Variants in TET2 observed in about 807,000 individuals in gnomAD.
TET2 encodes tet methylcytosine dioxygenase 2, also known as methylcytosine dioxygenase TET2.
TET2 carries 299 observed loss-of-function variants against 142.9 expected under a neutral mutation model. That is an observed-to-expected ratio of 2.09 (90% CI 1.90 to 2.30). The LOEUF (loss-of-function observed/expected upper bound fraction) is 2.30, where lower values mean the gene tolerates loss of function less well. Ranked by LOEUF, TET2 falls within the 30% of genes most tolerant of loss-of-function variation. The pLI, the probability that TET2 is intolerant of heterozygous loss-of-function variation, is 0.00. For synonymous variants in TET2, 819 were observed against 849.0 expected, an observed-to-expected ratio of 0.96 and a Z score of 0.61; for missense variants, 2,418 against 2,378.0, an observed-to-expected ratio of 1.02 and a Z score of -0.35.
At chr4:105,153,850 T>A (rs1723433399) in intron 1 of TET2, among the ~76,000 whole-genome samples, 1 of 152,230 alleles carries the variant, frequency 6.6e-6, no homozygotes, top group African/African-American at 2.4e-5. Context: ...ACATGAAAAC[T>A]TGTAGCCAAA....
chr4:105,265,882 C>T (rs1029159349), intron 8 of TET2, among the ~76,000 whole-genome samples: 1 of 152,144 alleles, frequency 6.6e-6, no homozygotes, highest in Non-Finnish European at 1.5e-5. Flanking sequence ...GAGTATTAGG[C>T]TCCAGTGTAG....
At chr4:105,254,737 A>G (rs1430189612) in intron 6 of TET2, among the ~76,000 whole-genome samples, 1 of 152,190 alleles carries the variant, frequency 6.6e-6, no homozygotes, top group Non-Finnish European at 1.5e-5. Context: ...TTTAGGAACA[A>G]TAGAATGGTA....
rs1374748644 is a variant in TET2, at chr4:105,230,023, T to C, written c.-46-3874T>C. Among the ~76,000 whole-genome samples the C allele has an allele frequency of 2.0e-5, 3 of 152,250 alleles. No individual in the cohort carries two copies. In the East Asian group the frequency reaches 5.8e-4, roughly 29 times the overall value. On this transcript the variant is annotated intron_variant, in intron 2 of 10. Coordinates refer to ENST00000380013, the MANE Select transcript of TET2 (RefSeq NM_001127208.3). ...GTGCCTACATCATTTAATGTATATA[T>C]GAGCATATTTGTCAGATATATATAT...
chr4:105,206,223 G>A (rs1726815982), intron 2 of TET2, among the ~76,000 whole-genome samples: 1 of 152,206 alleles, frequency 6.6e-6, no homozygotes, highest in Admixed American at 6.5e-5. Flanking sequence ...TGTTTGCTGA[G>A]TTTGTATATA....
intron 2 of TET2, among the ~76,000 whole-genome samples, chr4:105,219,897 T>C (rs778511799): frequency 6.6e-6 from 1 of 152,180 alleles, no homozygotes; most frequent in Non-Finnish European, 1.5e-5. Flanking sequence ...TTTCTTTGTT[T>C]TTCCCTTAGC....
In TET2 at chr4:105,272,901, AG is replaced by A. The variant is rs1170485417; in HGVS notation, c.4522del (p.Ala1508LeufsTer63). On this transcript the variant is annotated frameshift_variant, in exon 10 of 11. Coordinates refer to ENST00000380013, the MANE Select transcript of TET2 (RefSeq NM_001127208.3). LOFTEE classifies it low-confidence loss of function (END_TRUNC). ...SRTKQTENAS[Q>X]AKQLAELLRL... is the part of the protein sequence containing the mutation. The stretch of plus-strand genomic sequence containing the variant: ...ACAAAACAAACTGAAAACGCAAGCC[AG>A]GCTAAACAGTTGGCAGGTAAATTTA... The A allele has an allele frequency of 4.6e-6, 7 of 1,533,552 alleles. No individual in the cohort carries two copies. Among genetic ancestry groups the A allele is most frequent in the Non-Finnish European group, 5.3e-6 (6 of 1,140,006 alleles). The allele number at this position is 1,533,552 out of a possible 1,614,324, so 95.0% of individuals were successfully genotyped here. A position where few individuals can be genotyped will look rare whatever the true frequency, so the allele number is the denominator to read the frequency against.
At chr4:105,213,261 G>A (rs1037779066) in intron 2 of TET2, among the ~76,000 whole-genome samples, 3 of 152,084 alleles carry the variant, frequency 2.0e-5, no homozygotes, top group South Asian at 4.1e-4. Flanking sequence ...AGTTTGACAC[G>A]TCAGTATAGT....
intron 6 of TET2, among the ~76,000 whole-genome samples, chr4:105,244,586 G>GTTTTTTT (rs566674796): frequency 1.5e-5 from 1 of 66,696 alleles, no homozygotes; most frequent in Non-Finnish European, 3.4e-5. Context: ...ACACAGAAAT[G>GTTTTTTT]TTTTTTTTTT....
At chr4:105,243,838 T>C in intron 6 of TET2, 60 bp downstream of exon 6, 5 of 1,460,608 alleles carry the variant, frequency 3.4e-6, no homozygotes, top group Non-Finnish European at 4.7e-6. Flanking sequence ...GCCCAATCTT[T>C]GGTTGAAAGG....
At chr4:105,219,187 A>G (rs936773647) in intron 2 of TET2, among the ~76,000 whole-genome samples, 4 of 152,128 alleles carry the variant, frequency 2.6e-5, no homozygotes, top group African/African-American at 9.6e-5. Context: ...TGGCATCTCC[A>G]TTATTAATCT....
chr4:105,147,335 T>TG (rs1723072194), intron 1 of TET2: 1 of 152,276 alleles, frequency 6.6e-6, no homozygotes, highest in African/African-American at 2.4e-5. Context: ...AGTTCAGCTT[T>TG]GGGGGCACTA....
chr4:105,156,048 C>G (rs1208004901), intron 1 of TET2, among the ~76,000 whole-genome samples: 1 of 152,174 alleles, frequency 6.6e-6, no homozygotes, highest in South Asian at 2.1e-4. Context: ...TTGTTTCTCT[C>G]AAAACTTTGT....
At chr4:105,155,729 T>C (rs1033904883) in intron 1 of TET2, among the ~76,000 whole-genome samples, 12 of 152,208 alleles carry the variant, frequency 7.9e-5, no homozygotes, top group African/African-American at 2.9e-4. Flanking sequence ...TCTGGAAAGG[T>C]TGAGCTTTAG....
intron 1 of TET2, among the ~76,000 whole-genome samples, chr4:105,160,189 C>G (rs1723779422): frequency 6.6e-6 from 1 of 152,148 alleles, no homozygotes; most frequent in Non-Finnish European, 1.5e-5. Context: ...TCAACCTTCT[C>G]TCATTTTTAA....
chr4:105,237,108 G>GT lies in TET2; in HGVS notation c.3168dup (p.Glu1057Ter). ...TCTCAAATCACAGAAGCAAGTAAAA[G>GT]TTGAAATGTCAGGGCCAGTCACAGT... is the stretch of plus-strand genomic sequence containing the variant. On this transcript the variant is annotated frameshift_variant, in exon 3 of 11. Transcript: ENST00000380013. LOFTEE classifies it high-confidence loss of function. The GT allele has an allele frequency of 6.2e-7, 1 of 1,614,080 alleles. No individual in the cohort carries two copies. Among genetic ancestry groups the GT allele is most frequent in the Non-Finnish European group, 8.5e-7 (1 of 1,179,958 alleles).
intron 1 of TET2, chr4:105,172,419 T>G (rs180946593): frequency 2.0e-4 from 31 of 152,312 alleles, no homozygotes; most frequent in African/African-American, 7.2e-4. Flanking sequence ...TATTTACTAT[T>G]TATTAAATGG....
intron 7 of TET2, among the ~76,000 whole-genome samples, chr4:105,261,178 C>A (rs1015827551): frequency 6.6e-6 from 1 of 151,884 alleles, no homozygotes; most frequent in South Asian, 2.1e-4. Flanking sequence ...CTTGGAAAAT[C>A]TGTTCTTCAT....
intron 1 of TET2, among the ~76,000 whole-genome samples, chr4:105,148,033 T>C (rs1003439422): frequency 1.3e-5 from 2 of 151,974 alleles, no homozygotes; most frequent in South Asian, 4.2e-4. Context: ...TCCTCTCTAC[T>C]CTTTCTTCTC....
intron 1 of TET2, among the ~76,000 whole-genome samples, chr4:105,160,601 C>T (rs1052942659): frequency 1.3e-5 from 2 of 152,160 alleles, no homozygotes; most frequent in Non-Finnish European, 2.9e-5. Flanking sequence ...CATTTGACTG[C>T]TTCTTTCATA....
Sources: allele counts gnomAD v4.1 joint callset (sites outside exome capture counted in the v4.1 genomes callset), GRCh38; gene constraint gnomAD v4.1.1; transcripts MANE v1.5; gene names NCBI Gene and HGNC (gene_info 2026-07-23, HGNC 2026-07-21).